MAGI3: variants seen among roughly 807,000 people sequenced by gnomAD.
MAGI3 encodes membrane associated guanylate kinase, WW and PDZ domain containing 3.
A neutral mutation model predicts 121.8 loss-of-function variants in MAGI3; 43 were observed. The ratio of observed to expected loss-of-function variants is 0.35; its 90% CI spans 0.28 to 0.46. The LOEUF (loss-of-function observed/expected upper bound fraction) is 0.46, where lower values mean the gene tolerates loss of function less well. Among genes scored for constraint, MAGI3 ranks in the 20% least tolerant of loss-of-function variants. The pLI is 1.00. For missense variants in MAGI3, 1,547 were observed against 1,797.3 expected, an observed-to-expected ratio of 0.86 and a Z score of 2.52; for synonymous variants, 553 against 639.3, an observed-to-expected ratio of 0.86 and a Z score of 2.04.
rs984265780 is a variant in MAGI3, at chr1:113,512,426, A to G, written c.317-37089A>G. ...AAAATTAGAGGGAGAACTAGTCACT[A>G]CAAAACCATCTACAGATCTTTGTGT... On this transcript the variant is annotated intron_variant, in intron 1 of 20. Transcript: ENST00000307546. 5.9e-5 allele frequency among the ~76,000 whole-genome samples: 9 copies of G among 152,234 alleles called. No individual in the cohort carries two copies. In the East Asian group the frequency reaches 1.2e-3, roughly 20 times the overall value.
intron 6 of MAGI3, among the ~76,000 whole-genome samples, chr1:113,595,222 G>A (rs1447820387): frequency 6.6e-6 from 1 of 152,110 alleles, no homozygotes; most frequent in African/African-American, 2.4e-5. Flanking sequence ...AGGATTGCTT[G>A]AGCTCAAGAG....
chr1:113,609,598 G>A (rs778059766), intron 6 of MAGI3, among the ~76,000 whole-genome samples: 13 of 152,276 alleles, frequency 8.5e-5, no homozygotes, highest in Non-Finnish European at 1.3e-4. Flanking sequence ...GCTAAAGGCA[G>A]CTTACAAATA....
rs542072616 is a variant in MAGI3, at chr1:113,638,015, A to G, written c.1361-3896A>G. 5.0e-3 allele frequency among the ~76,000 whole-genome samples: 763 copies of G among 152,212 alleles called. 4 individuals are homozygous for G. The highest frequency in any genetic ancestry group is 0.018 in the African/African-American group (736 of 41,522). On this transcript the variant is annotated intron_variant, in intron 9 of 20. Coordinates refer to ENST00000307546, the MANE Select transcript of MAGI3 (RefSeq NM_001142782.2). ...TCACTGATACCCTTTCTTTCAGTTG[A>G]TCGCATCGGCTCCTGAGGCTTCTGC...
intron 16 of MAGI3, among the ~76,000 whole-genome samples, chr1:113,665,310 T>G (rs1653986937): frequency 6.6e-6 from 1 of 152,098 alleles, no homozygotes; most frequent in Non-Finnish European, 1.5e-5. Flanking sequence ...TAAACATGAG[T>G]CTCCAAGTCC....
chr1:113,465,660 G>T (rs1655248432), intron 1 of MAGI3, among the ~76,000 whole-genome samples: 1 of 151,686 alleles, frequency 6.6e-6, no homozygotes, highest in African/African-American at 2.4e-5. Flanking sequence ...AATTTTTTTG[G>T]CATCCTCTTC....
At chr1:113,543,322 A>C (rs1242178722) in intron 1 of MAGI3, among the ~76,000 whole-genome samples, 1 of 152,240 alleles carries the variant, frequency 6.6e-6, no homozygotes, top group Non-Finnish European at 1.5e-5. Flanking sequence ...TTGACATATA[A>C]ACTATAATTA....
rs1659928108 is a variant in MAGI3 at position 113,554,964 on chromosome 1, T to TA, written c.433+5336dup. Among the ~76,000 whole-genome samples, 3 of 150,848 alleles carry TA rather than the reference T, an allele frequency of 2.0e-5. No individual in the cohort carries two copies. The South Asian group carries it at 6.3e-4, about 32-fold the overall frequency. ...AACATGGTGAGACCCCATCTCTAAA[T>TA]AAAGTGAAATAAAATAAAAATTTTT... On this transcript the variant is annotated intron_variant, in intron 2 of 20. Coordinates refer to ENST00000307546, the MANE Select transcript of MAGI3 (RefSeq NM_001142782.2).
intron 5 of MAGI3, among the ~76,000 whole-genome samples, chr1:113,591,244 G>T (rs915998393): frequency 6.6e-6 from 1 of 152,018 alleles, no homozygotes; most frequent in African/African-American, 2.4e-5. Flanking sequence ...ACCTAAAATT[G>T]TATGTTGTTT....
At chr1:113,682,431 T>C in intron 20 of MAGI3, 1 of 1,395,624 alleles carries the variant, frequency 7.2e-7, no homozygotes, top group South Asian at 1.8e-5. Flanking sequence ...ATTTGACAGC[T>C]TAATGCAAGA....
Position 113,391,184 on chromosome 1 carries a change from G to A in MAGI3, c.151G>A (p.Glu51Lys). The change falls in exon 1 of 21, where the codon GAG (glutamate) becomes AAG (lysine). Residue 51 changes from glutamate to lysine, a missense_variant. Coordinates refer to ENST00000307546, the MANE Select transcript of MAGI3 (RefSeq NM_001142782.2). The surrounding 1 kb of genome is among the most constrained non-coding windows in gnomAD (Gnocchi z 4.4). ...CCCCTACCTGGGGCGGCTCCGCGAG[G>A]AGCCCGGCGGGGGCACCTGCTGCGT... ...EFPYLGRLRE[E>K]PGGGTCCVVS... 1 of 1,552,134 alleles carries A rather than the reference G, an allele frequency of 6.4e-7. No individual in the cohort carries two copies. Among genetic ancestry groups the A allele is most frequent in the East Asian group, 2.4e-5 (1 of 41,254 alleles).
At chr1:113,481,803 A>G (rs1298578036) in intron 1 of MAGI3, among the ~76,000 whole-genome samples, 1 of 152,174 alleles carries the variant, frequency 6.6e-6, no homozygotes, top group Non-Finnish European at 1.5e-5. Context: ...CAAATTTCTT[A>G]AATTATGGTT....
chr1:113,409,742 T>A (rs1651876088), intron 1 of MAGI3, among the ~76,000 whole-genome samples: 1 of 152,172 alleles, frequency 6.6e-6, no homozygotes, highest in African/African-American at 2.4e-5. Context: ...CATCCTTTCT[T>A]ATTGGCACAC....
chr1:113,416,228 G>GACACATATTATTATGTAATTAATT (rs1652349461), intron 1 of MAGI3, among the ~76,000 whole-genome samples: 1 of 87,970 alleles, frequency 1.1e-5, no homozygotes, highest in Non-Finnish European at 2.4e-5. Flanking sequence ...TGTAATTAAT[G>GACACATATTATTATGTAATTAATT]ACACATATTA....
At chr1:113,609,046 C>T (rs1649965724) in intron 6 of MAGI3, among the ~76,000 whole-genome samples, 1 of 152,180 alleles carries the variant, frequency 6.6e-6, no homozygotes. Flanking sequence ...AAACTGGGTA[C>T]ACCTTTTTAA....
rs566353689 is a variant in MAGI3, at chr1:113,516,933, C to T, written c.317-32582C>T. On this transcript the variant is annotated intron_variant, in intron 1 of 20. Coordinates refer to ENST00000307546, the MANE Select transcript of MAGI3 (RefSeq NM_001142782.2). ...CAAAAACACATAACCCCAGTCTCAT[C>T]GTGAGAAAAACATGAGACAAACTAC... Among the ~76,000 whole-genome samples, 5 of 152,058 alleles carry T rather than the reference C, an allele frequency of 3.3e-5. No individual in the cohort carries two copies. In the East Asian group the frequency reaches 5.8e-4, roughly 18 times the overall value.
chr1:113,674,185 A>G (rs1034547237), intron 19 of MAGI3, among the ~76,000 whole-genome samples: 2 of 152,166 alleles, frequency 1.3e-5, no homozygotes, highest in Non-Finnish European at 2.9e-5. Context: ...TGAGGTCGGG[A>G]GTTCGAGACC....
intron 1 of MAGI3, among the ~76,000 whole-genome samples, chr1:113,547,152 A>T (rs1659573572): frequency 6.6e-6 from 1 of 151,474 alleles, no homozygotes; most frequent in Admixed American, 6.6e-5. Flanking sequence ...TTATGCTGTA[A>T]TTTATGATTT....
At chr1:113,623,447 CACACAT>C (rs1293632757) in intron 9 of MAGI3, among the ~76,000 whole-genome samples, 2 of 74,950 alleles carry the variant, frequency 2.7e-5, no homozygotes, top group African/African-American at 4.8e-5. Flanking sequence ...TATATATACA[CACACAT>C]ACACACACAC....
At chr1:113,649,351 A>G (rs766379615) in intron 13 of MAGI3, 23 bp downstream of exon 13, 2 of 1,545,706 alleles carry the variant, frequency 1.3e-6, no homozygotes, top group South Asian at 2.4e-5. Flanking sequence ...TCTTTGGAAC[A>G]TGGCTGTTTC....
Sources: gnomAD v4.1 joint callset for allele counts (sites outside exome capture counted in the v4.1 genomes callset) on GRCh38, gnomAD v4.1.1 for gene constraint, Gnocchi (gnomAD v3.1) non-coding constraint, MANE v1.5 for transcripts, NCBI Gene and HGNC (gene_info 2026-07-23, HGNC 2026-07-21) for gene names.